Variants in RGS7 observed in about 807,000 individuals in gnomAD.
RGS7 encodes the protein regulator of G-protein signaling 7.
A neutral mutation model predicts 81.1 loss-of-function variants in RGS7; 27 were observed. That is an observed-to-expected ratio of 0.33 (90% CI 0.25 to 0.46). The LOEUF (loss-of-function observed/expected upper bound fraction) is 0.46, where lower values mean the gene tolerates loss of function less well. Ranked by LOEUF, RGS7 falls within the 20% of genes least tolerant of loss-of-function variation. The pLI, the probability that RGS7 is intolerant of heterozygous loss-of-function variation, is 1.00. For synonymous variants in RGS7, 208 were observed against 207.7 expected, an observed-to-expected ratio of 1.00 and a Z score of -0.01; for missense variants, 396 against 607.4, an observed-to-expected ratio of 0.65 and a Z score of 3.66.
At position 241,341,854 on chromosome 1, in the gene RGS7, T is replaced by C. The variant is rs183446544; in HGVS notation, c.78+13845A>G. On this transcript the variant is annotated intron_variant, in intron 2 of 18. Coordinates refer to ENST00000440928, the MANE Select transcript of RGS7 (RefSeq NM_001364886.1). ...GGATTCAAATCCACACAGGTACAAG[T>C]AGACACTCTTCAACTCTTTTTTTTT... 1.6e-3 allele frequency among the ~76,000 whole-genome samples: 236 copies of C among 149,178 alleles called. 1 individual carries two copies. The highest frequency in any genetic ancestry group is 5.6e-3 in the African/African-American group (224 of 40,340).
chr1:240,947,206 G>T (rs1338107856), intron 4 of RGS7, among the ~76,000 whole-genome samples: 1 of 152,130 alleles, frequency 6.6e-6, no homozygotes, highest in Non-Finnish European at 1.5e-5. Context: ...TTGCATCTTA[G>T]CAGTTCTTTA....
chr1:241,104,111 T>C (rs568807763), intron 2 of RGS7, among the ~76,000 whole-genome samples: 21 of 152,294 alleles, frequency 1.4e-4, no homozygotes, highest in African/African-American at 5.1e-4. Context: ...ATAAATTGTA[T>C]ACATCTTATC....
intron 3 of RGS7, among the ~76,000 whole-genome samples, chr1:241,060,953 C>T (rs916612086): frequency 6.6e-6 from 1 of 152,238 alleles, no homozygotes; most frequent in African/African-American, 2.4e-5. Context: ...TGGATGGAAA[C>T]TCTCCTGGTC....
At chr1:241,252,336 G>A (rs1049765384) in intron 2 of RGS7, among the ~76,000 whole-genome samples, 1 of 152,142 alleles carries the variant, frequency 6.6e-6, no homozygotes, top group Non-Finnish European at 1.5e-5. Flanking sequence ...GAGCCACAGC[G>A]CCGGACCTTG....
At chr1:241,089,538 AC>A (rs2063733989) in intron 3 of RGS7, among the ~76,000 whole-genome samples, 1 of 151,886 alleles carries the variant, frequency 6.6e-6, no homozygotes, top group Non-Finnish European at 1.5e-5. Flanking sequence ...AACCATGAAC[AC>A]CCCAACAGTT....
intron 2 of RGS7, among the ~76,000 whole-genome samples, chr1:241,154,933 TA>T (rs529142583): frequency 7.9e-5 from 12 of 152,024 alleles, no homozygotes; most frequent in Non-Finnish European, 1.5e-4. Flanking sequence ...AGCCATTTTT[TA>T]AAAAAAGAAT....
intron 3 of RGS7, among the ~76,000 whole-genome samples, chr1:241,025,264 TC>T (rs1166143252): frequency 1.3e-5 from 2 of 152,180 alleles, no homozygotes; most frequent in African/African-American, 4.8e-5. Flanking sequence ...GGCAGCAACA[TC>T]AGTAGAGGGG....
intron 2 of RGS7, among the ~76,000 whole-genome samples, chr1:241,316,643 C>T (rs1037453517): frequency 1.3e-5 from 2 of 152,160 alleles, no homozygotes. Context: ...TTTTAATGAC[C>T]TGGTGAAGAC....
At chr1:241,119,660 A>G (rs1352848345) in intron 2 of RGS7, among the ~76,000 whole-genome samples, 1 of 152,222 alleles carries the variant, frequency 6.6e-6, no homozygotes, top group African/African-American at 2.4e-5. Context: ...ATCCAAAATG[A>G]CATTTGTTAA....
chr1:240,993,084 A>AAGGG (rs1686707498), intron 3 of RGS7, among the ~76,000 whole-genome samples: 1 of 49,940 alleles, frequency 2.0e-5, no homozygotes, highest in Non-Finnish European at 5.1e-5. Context: ...AAACAGAAGG[A>AAGGG]AGGAAGGAAG....
At chr1:240,882,572 T>C (rs1466877372) in intron 6 of RGS7, among the ~76,000 whole-genome samples, 1 of 152,084 alleles carries the variant, frequency 6.6e-6, no homozygotes, top group African/African-American at 2.4e-5. Context: ...TGGGTCTCAG[T>C]GATCACAAAA....
chr1:240,948,976 G>A (rs1048531644), intron 4 of RGS7, among the ~76,000 whole-genome samples: 5 of 151,900 alleles, frequency 3.3e-5, no homozygotes, highest in Admixed American at 2.0e-4. Flanking sequence ...ATGGCATTTT[G>A]CTTTAATTTG....
intron 6 of RGS7, among the ~76,000 whole-genome samples, chr1:240,910,351 C>T (rs1189498753): frequency 6.6e-6 from 1 of 152,060 alleles, no homozygotes; most frequent in Non-Finnish European, 1.5e-5. Flanking sequence ...AGTTAAATAA[C>T]GCATGTGCTC....
intron 3 of RGS7, among the ~76,000 whole-genome samples, chr1:241,061,060 C>G (rs1368802877): frequency 3.3e-5 from 5 of 152,176 alleles, no homozygotes; most frequent in Non-Finnish European, 5.9e-5. Context: ...ACTGCGTGAG[C>G]ATCAGATGCT....
chr1:240,998,641 G>C (rs1572188388), intron 3 of RGS7: 1 of 1,013,034 alleles, frequency 9.9e-7, no homozygotes, highest in East Asian at 2.6e-5. Context: ...GTTGACTTTG[G>C]CCAGGCCTTT....
chr1:241,098,599 G>T, intron 3 of RGS7, 67 bp downstream of exon 3: 1 of 1,024,892 alleles, frequency 9.8e-7, no homozygotes, highest in South Asian at 1.3e-5. Context: ...TGAACAGCTG[G>T]AATCAGTTTT....
intron 6 of RGS7, among the ~76,000 whole-genome samples, chr1:240,882,987 T>C (rs261835): frequency 0.75 from 113,465 of 150,784 alleles, 42,919 homozygotes; most frequent in Middle Eastern, 0.84. Flanking sequence ...TGAGAACATG[T>C]GGTGTTTGGT....
chr1:240,910,141 A>T (rs1384176294), intron 6 of RGS7, among the ~76,000 whole-genome samples: 1 of 152,146 alleles, frequency 6.6e-6, no homozygotes, highest in African/African-American at 2.4e-5. Flanking sequence ...AAGGAAAGAA[A>T]TTCTTTTGTG....
At chr1:240,886,000 G>T (rs1383076163) in intron 6 of RGS7, among the ~76,000 whole-genome samples, 1 of 152,012 alleles carries the variant, frequency 6.6e-6, no homozygotes, top group Non-Finnish European at 1.5e-5. Context: ...AACATTATTT[G>T]CTCTTTTGCT....
Sources: allele counts gnomAD v4.1 joint callset (sites outside exome capture counted in the v4.1 genomes callset), GRCh38; gene constraint gnomAD v4.1.1; transcripts MANE v1.5; gene names NCBI Gene and HGNC (gene_info 2026-07-23, HGNC 2026-07-21).